CHD1L: variants seen among roughly 807,000 people sequenced by gnomAD.
The protein encoded by CHD1L is ATP-dependent chromatin remodeler CHD1L.
CHD1L carries 118 observed loss-of-function variants against 115.9 expected under a neutral mutation model. The ratio of observed to expected loss-of-function variants is 1.02; its 90% confidence interval spans 0.88 to 1.19. The LOEUF is 1.19. Among genes scored for constraint, CHD1L ranks in the 50% most tolerant of loss-of-function variants. The pLI is 0.00. For synonymous variants in CHD1L, 411 were observed against 387.1 expected (o/e 1.06, Z -0.72); for missense variants, 1,179 against 1,065.3 (o/e 1.11, Z -1.49).
chr1:147,240,758 C>T (rs1480260606), upstream of CHD1L, among the ~76,000 whole-genome samples: 1 of 152,262 alleles, frequency 6.6e-6, no homozygotes, highest in South Asian at 2.1e-4. Context: ...ATCAAAAGCA[C>T]AGGACTTTTT....
the CHD1L span, among the ~76,000 whole-genome samples, chr1:147,234,611 T>G: frequency 6.6e-6 from 1 of 152,216 alleles, no homozygotes; most frequent in African/African-American, 2.4e-5. Context: ...ATTATTTTGT[T>G]TTCTAACTTA....
chr1:147,211,379 T>G, the CHD1L span: 1 of 152,236 alleles, frequency 6.6e-6, no homozygotes, highest in Non-Finnish European at 1.5e-5. Flanking sequence ...TTTTAATCCT[T>G]GTTTATATGA....
intron 1 of CHD1L, among the ~76,000 whole-genome samples, chr1:147,248,396 C>T (rs769570555): frequency 5.3e-5 from 8 of 151,902 alleles, no homozygotes; most frequent in Admixed American, 2.6e-4. Flanking sequence ...TTAATAGAGA[C>T]GGGGTTTCTC....
At chr1:147,202,932 T>C in the CHD1L span, among the ~76,000 whole-genome samples, 1 of 152,154 alleles carries the variant, frequency 6.6e-6, no homozygotes, top group Non-Finnish European at 1.5e-5. Context: ...TATCTACTCC[T>C]TGTTATCTCA....
the CHD1L span, among the ~76,000 whole-genome samples, chr1:147,221,372 C>G: frequency 6.6e-6 from 1 of 152,132 alleles, no homozygotes; most frequent in Non-Finnish European, 1.5e-5. Context: ...ATGAGGTGTA[C>G]TGTAATTCTC....
chr1:147,189,795 A>G, the CHD1L span, among the ~76,000 whole-genome samples: 2 of 152,150 alleles, frequency 1.3e-5, no homozygotes, highest in Non-Finnish European at 2.9e-5. Flanking sequence ...ACAGATTTGT[A>G]ATTCACCCAT....
At chr1:147,224,304 C>T in the CHD1L span, 1 of 176,856 alleles carries the variant, frequency 5.7e-6, no homozygotes. Context: ...GTTTGAATCA[C>T]CAAAGTGGAA....
chr1:147,242,718 C>G lies in CHD1L; in HGVS notation c.15C>G (p.Gly5=). The change falls in exon 1 of 23, where the codon GGC becomes GGG. Residue 5 remains glycine (G), a synonymous_variant. Transcript: ENST00000369258. The part of the protein sequence containing the change: MERA[G]ATSRGGQAPG... Reference sequence around the variant, plus strand: ...CTACCGGCCCGATGGAGCGCGCGGGCGCTACTAGCCGCGGGGGCCAAGCCC... The same window carrying G: ...CTACCGGCCCGATGGAGCGCGCGGGGGCTACTAGCCGCGGGGGCCAAGCCC... 7.2e-6 allele frequency: 9 copies of G among 1,256,664 alleles called. No homozygotes were observed. The highest frequency in any genetic ancestry group is 8.0e-6 in the Non-Finnish European group (8 of 996,598). The allele number at this position is 1,256,664 out of a possible 1,614,324, so 77.8% of individuals were successfully genotyped here.
chr1:147,284,490 T>C lies in CHD1L; in HGVS notation c.1845T>C (p.Asn615=), dbSNP rs782592032. ...KASQEGRSLR[N]KGSVLIPGLV... is the part of the protein sequence containing the mutation. ...GTCAAGAGGGCCGATCACTCCGAAATAAAGGCAGTGTAAGAACTGTTAATT... is the reference window on the plus strand; with the variant it reads ...GTCAAGAGGGCCGATCACTCCGAAACAAAGGCAGTGTAAGAACTGTTAATT... Residue 615 remains asparagine, a synonymous_variant, in exon 16 of 23, where the codon AAT becomes AAC. Transcript: ENST00000369258. The C allele has an allele frequency of 1.3e-6, 2 of 1,595,372 alleles. No individual in the cohort carries two copies. Among genetic ancestry groups the C allele is most frequent in the South Asian group, 1.1e-5 (1 of 86,984 alleles).
At chr1:147,188,420 G>T in the CHD1L span, among the ~76,000 whole-genome samples, 2 of 151,188 alleles carry the variant, frequency 1.3e-5, no homozygotes, top group Non-Finnish European at 2.9e-5. Flanking sequence ...CTACTCAGGA[G>T]GCTGAGGCGG....
At chr1:147,246,868 A>AT (rs1222739747) in intron 1 of CHD1L, among the ~76,000 whole-genome samples, 3 of 152,024 alleles carry the variant, frequency 2.0e-5, no homozygotes, top group Admixed American at 2.0e-4. Context: ...TCTCTTATGG[A>AT]TAGTTTTCTT....
At chr1:147,268,711 C>T (rs1674933972) in intron 9 of CHD1L, 71 bp from the exon 10 acceptor site, 2 of 1,266,592 alleles carry the variant, frequency 1.6e-6, no homozygotes, top group Middle Eastern at 2.2e-4. Flanking sequence ...GGCTTCTCTT[C>T]CTGTAGCCTA....
intron 12 of CHD1L, among the ~76,000 whole-genome samples, chr1:147,273,606 A>C (rs1553955063): frequency 2.0e-5 from 3 of 152,230 alleles, no homozygotes; most frequent in African/African-American, 7.2e-5. Context: ...CAGGCAGTGC[A>C]TCATCACTGC....
intron 14 of CHD1L, 70 bp from the exon 15 acceptor site, chr1:147,279,956 G>C (rs1572050494): frequency 1.3e-6 from 2 of 1,534,294 alleles, no homozygotes; most frequent in Middle Eastern, 2.3e-4. Context: ...AATCCACTTA[G>C]CCAATCACTG....
chr1:147,204,627 G>A, the CHD1L span: 34 of 1,590,414 alleles, frequency 2.1e-5, no homozygotes, highest in Non-Finnish European at 2.9e-5. Context: ...CCAGAACAAT[G>A]TTTGTGCCAT....
chr1:147,240,328 G>A (rs1178869822), upstream of CHD1L, among the ~76,000 whole-genome samples: 1 of 152,232 alleles, frequency 6.6e-6, no homozygotes, highest in Non-Finnish European at 1.5e-5. Context: ...AATGCTTGAA[G>A]GCAGCATGCT....
chr1:147,261,561 G>A (rs1324279129), intron 6 of CHD1L, among the ~76,000 whole-genome samples: 6 of 152,044 alleles, frequency 3.9e-5, no homozygotes, highest in African/African-American at 1.4e-4. Context: ...TCATATCCTG[G>A]CATCTAACCT....
chr1:147,229,821 G>C, the CHD1L span, among the ~76,000 whole-genome samples: 1 of 151,704 alleles, frequency 6.6e-6, no homozygotes, highest in Non-Finnish European at 1.5e-5. Context: ...GTCTGTTATT[G>C]GTGTATAAGA....
chr1:147,287,676 C>T lies in CHD1L; in HGVS notation c.2263C>T (p.Leu755=), dbSNP rs782182255. 2.5e-6 allele frequency: 4 copies of T among 1,613,974 alleles called. No individual in the cohort carries two copies. The East Asian group carries it at 8.9e-5, about 36-fold the overall frequency. ...HWGRGGLFTA[L]EKRSAEPRKI... Reference sequence around the variant, plus strand: ...GGGCAGAGGTGGTTTATTTACAGCTCTGGAAAAGCGATCCGCTGAGCCAAG... The same window carrying T: ...GGGCAGAGGTGGTTTATTTACAGCTTTGGAAAAGCGATCCGCTGAGCCAAG... The change falls in exon 19 of 23, where the codon CTG becomes TTG. Residue 755 remains leucine, a synonymous_variant. Coordinates refer to ENST00000369258, the MANE Select transcript of CHD1L (RefSeq NM_004284.6).
Sources: allele counts gnomAD v4.1 joint callset (sites outside exome capture counted in the v4.1 genomes callset), GRCh38; gene constraint gnomAD v4.1.1; transcripts MANE v1.5; gene names NCBI Gene and HGNC (gene_info 2026-07-23, HGNC 2026-07-21).